The following GPD2 variants were observed in gnomAD, a reference collection of about 807,000 sequenced individuals.
GPD2 encodes the protein glycerol-3-phosphate dehydrogenase, mitochondrial.
A neutral mutation model predicts 82.4 loss-of-function variants in GPD2; 54 were observed. The observed-to-expected ratio is 0.66, with a 90% CI of 0.53 to 0.82. GPD2 has a LOEUF of 0.82. Among genes scored for constraint, GPD2 ranks in the 40% least tolerant of loss-of-function variants. GPD2 has a pLI of 0.00. For missense variants in GPD2, 748 were observed against 896.2 expected (o/e 0.83, Z 2.11); for synonymous variants, 288 against 306.1 (o/e 0.94, Z 0.62).
At chr2:156,451,720 C>CA (rs1368873520) in intron 1 of GPD2, among the ~76,000 whole-genome samples, 3 of 144,374 alleles carry the variant, frequency 2.1e-5, no homozygotes, top group African/African-American at 7.7e-5. Flanking sequence ...CCCTCCCGGA[C>CA]GGGGCGGCTG....
intron 6 of GPD2, among the ~76,000 whole-genome samples, chr2:156,514,955 G>A (rs748531103): frequency 3.9e-5 from 6 of 152,058 alleles, no homozygotes; most frequent in East Asian, 1.9e-4. Flanking sequence ...TGTAAATAGC[G>A]TCCTGCCCAT....
chr2:156,463,159 T>C (rs1007484244), intron 1 of GPD2, among the ~76,000 whole-genome samples: 1 of 152,200 alleles, frequency 6.6e-6, no homozygotes, highest in Non-Finnish European at 1.5e-5. Context: ...CACCATATCA[T>C]AGCATGTACA....
upstream of GPD2, among the ~76,000 whole-genome samples, chr2:156,435,128 A>G (rs1400806754): frequency 6.6e-6 from 1 of 152,192 alleles, no homozygotes; most frequent in Non-Finnish European, 1.5e-5. Context: ...CTCTGGGTCA[A>G]CTACAGGAAT....
intron 2 of GPD2, among the ~76,000 whole-genome samples, chr2:156,486,979 G>A (rs1237559717): frequency 6.6e-6 from 1 of 151,914 alleles, no homozygotes; most frequent in African/African-American, 2.4e-5. Context: ...TTAACTTCTG[G>A]ATCTACTTCC....
intron 2 of GPD2, among the ~76,000 whole-genome samples, chr2:156,479,307 A>G (rs1683636530): frequency 6.6e-6 from 1 of 152,198 alleles, no homozygotes; most frequent in Admixed American, 6.5e-5. Flanking sequence ...AATCAGAGCC[A>G]TTGTAGGTGG....
the GPD2 span, among the ~76,000 whole-genome samples, chr2:156,415,260 G>A: frequency 6.7e-6 from 1 of 148,534 alleles, no homozygotes; most frequent in Non-Finnish European, 1.5e-5. Flanking sequence ...CCGGGTTCAC[G>A]CCGTTCTCCT....
At chr2:156,524,658 C>T (rs753106964) in intron 6 of GPD2, among the ~76,000 whole-genome samples, 1 of 152,174 alleles carries the variant, frequency 6.6e-6, no homozygotes, top group Non-Finnish European at 1.5e-5. Context: ...AGAAGTCACA[C>T]AGTGTCACTT....
chr2:156,430,224 A>G, the GPD2 span, among the ~76,000 whole-genome samples: 1 of 152,136 alleles, frequency 6.6e-6, no homozygotes, highest in Non-Finnish European at 1.5e-5. Context: ...TATACCAGGC[A>G]TTTTACAAAT....
At chr2:156,454,054 A>G (rs1203217059) in intron 1 of GPD2, among the ~76,000 whole-genome samples, 1 of 152,186 alleles carries the variant, frequency 6.6e-6, no homozygotes, top group Non-Finnish European at 1.5e-5. Context: ...GACAGGTAAG[A>G]CTTTTGAAAG....
chr2:156,505,602 A>T (rs1684758964), intron 3 of GPD2, among the ~76,000 whole-genome samples: 2 of 152,200 alleles, frequency 1.3e-5, no homozygotes, highest in African/African-American at 4.8e-5. Flanking sequence ...CACTACATAG[A>T]GAGGCCAGCC....
the GPD2 span, among the ~76,000 whole-genome samples, chr2:156,410,512 T>C: frequency 6.6e-6 from 1 of 152,222 alleles, no homozygotes; most frequent in African/African-American, 2.4e-5. Context: ...TTTGTGAATT[T>C]TCTAATTTGC....
intron 9 of GPD2, among the ~76,000 whole-genome samples, chr2:156,559,644 C>G (rs1335898923): frequency 6.6e-6 from 1 of 152,080 alleles, no homozygotes; most frequent in Non-Finnish European, 1.5e-5. Context: ...GTATTAATTG[C>G]TTTTAATCTA....
the GPD2 span, among the ~76,000 whole-genome samples, chr2:156,429,283 C>T: frequency 1.3e-5 from 2 of 152,302 alleles, no homozygotes; most frequent in East Asian, 3.9e-4. Context: ...AAGCTTTACT[C>T]TGAAAAGCTG....
intron 6 of GPD2, among the ~76,000 whole-genome samples, chr2:156,530,088 A>G (rs1685788962): frequency 1.4e-5 from 2 of 147,452 alleles, no homozygotes; most frequent in East Asian, 2.0e-4. Flanking sequence ...ATGTTCTTCC[A>G]TTTGTTTGTA....
Position 156,583,135 on chromosome 2 carries a change from T to G in GPD2, c.*217T>G, listed in dbSNP as rs189339425. 489 of 537,510 alleles carry G rather than the reference T, an allele frequency of 9.1e-4. 4 individuals are homozygous for G. The highest frequency in any genetic ancestry group is 8.7e-3 in the African/African-American group (454 of 52,250). The allele number at this position is 537,510 out of a possible 1,614,324, so 33.3% of individuals were successfully genotyped here. Reference sequence around the variant, plus strand: ...ATTCAGTCTAGCTTTTAAGTATATTTTTTTCTTTTTCTCATTTTCAATGCA... The same window carrying G: ...ATTCAGTCTAGCTTTTAAGTATATTGTTTTCTTTTTCTCATTTTCAATGCA... On this transcript the variant is annotated 3_prime_UTR_variant, in exon 17 of 17. Transcript: ENST00000438166.
intron 1 of GPD2, among the ~76,000 whole-genome samples, chr2:156,460,936 C>G (rs576179683): frequency 1.5e-4 from 23 of 152,218 alleles, no homozygotes; most frequent in African/African-American, 5.5e-4. Context: ...TCCCCCTCTC[C>G]CATTGTGTCC....
intron 1 of GPD2, among the ~76,000 whole-genome samples, chr2:156,444,293 AG>A (rs1682277997): frequency 6.6e-6 from 1 of 152,158 alleles, no homozygotes; most frequent in Admixed American, 6.5e-5. Context: ...ATCTCTCTTC[AG>A]GATTATGCTC....
At chr2:156,408,317 T>C in the GPD2 span, among the ~76,000 whole-genome samples, 1 of 152,100 alleles carries the variant, frequency 6.6e-6, no homozygotes, top group Non-Finnish European at 1.5e-5. Flanking sequence ...ACTTTTTATA[T>C]TGTTTTGAAA....
chr2:156,533,728 A>C (rs1485752569), intron 6 of GPD2, among the ~76,000 whole-genome samples: 1 of 152,194 alleles, frequency 6.6e-6, no homozygotes, highest in African/African-American at 2.4e-5. Flanking sequence ...ATGTATGTAA[A>C]ATTTTAAAAT....
Sources: allele counts gnomAD v4.1 joint callset (sites outside exome capture counted in the v4.1 genomes callset), GRCh38; gene constraint gnomAD v4.1.1; transcripts MANE v1.5; gene names NCBI Gene and HGNC (gene_info 2026-07-23, HGNC 2026-07-21).